The following ZNF429 variants were observed in gnomAD, a reference collection of about 807,000 sequenced individuals.
ZNF429 encodes zinc finger protein 429.
ZNF429 carries 53 observed loss-of-function variants against 56.8 expected under a neutral mutation model. The observed-to-expected ratio is 0.93, with a 90% CI of 0.75 to 1.17. The LOEUF (loss-of-function observed/expected upper bound fraction) is 1.17. Ranked by LOEUF, ZNF429 falls within the 50% of genes most tolerant of loss-of-function variation. The probability of loss-of-function intolerance (pLI) is 0.00; values close to 1 mark genes in which losing one functional copy is unlikely to be tolerated. For missense variants in ZNF429, 849 were observed against 788.4 expected (o/e 1.08, Z -0.92); for synonymous variants, 278 against 264.7 (o/e 1.05, Z -0.49).
Position 21,540,407 on chromosome 19 carries a change from T to C in ZNF429, c.*2329T>C, listed in dbSNP as rs941144149. 2.0e-5 allele frequency among the ~76,000 whole-genome samples: 3 copies of C among 152,070 alleles called. No homozygotes were observed. The highest frequency in any genetic ancestry group is 7.2e-5 in the African/African-American group (3 of 41,432). On this transcript the variant is annotated 3_prime_UTR_variant, in exon 4 of 4. Coordinates refer to ENST00000358491, the MANE Select transcript of ZNF429 (RefSeq NM_001001415.4). ...TGATATTTAAATTTTTTTCTTATTTTTTTGTGGGTACATAATATGTGTATA... is the reference window on the plus strand; with the variant it reads ...TGATATTTAAATTTTTTTCTTATTTCTTTGTGGGTACATAATATGTGTATA...
At chr19:21,535,429 TTTCTTTC>T in intron 3 of ZNF429, among the ~76,000 whole-genome samples, 1 of 10,114 alleles carries the variant, frequency 9.9e-5, no homozygotes, top group South Asian at 3.0e-3. Context: ...TCTTTCTTTC[TTTCTTTC>T]TTTCTTTCTT....
intron 1 of ZNF429, among the ~76,000 whole-genome samples, chr19:21,516,085 T>C (rs1347822852): frequency 6.6e-6 from 1 of 152,102 alleles, no homozygotes; most frequent in Non-Finnish European, 1.5e-5. Flanking sequence ...TTTTATTTTA[T>C]TGAGACCTAG....
At chr19:21,526,071 A>C (rs1434707927) in intron 1 of ZNF429, among the ~76,000 whole-genome samples, 2 of 68,744 alleles carry the variant, frequency 2.9e-5, no homozygotes, top group Middle Eastern at 5.0e-3. Context: ...ATGCAGACTC[A>C]TTCAGACATT....
chr19:21,531,515 G>T, intron 3 of ZNF429, among the ~76,000 whole-genome samples: 18 of 152,128 alleles, frequency 1.2e-4, no homozygotes, highest in African/African-American at 4.3e-4. Context: ...CAAAAAAATA[G>T]AAAATAGGCT....
At chr19:21,531,131 C>CAAAAAAA in intron 3 of ZNF429, among the ~76,000 whole-genome samples, 1 of 44,772 alleles carries the variant, frequency 2.2e-5, no homozygotes, top group African/African-American at 1.1e-4. Context: ...AAAAAAAAAC[C>CAAAAAAA]AAAAAAAAAA....
chr19:21,531,569 C>T, intron 3 of ZNF429, among the ~76,000 whole-genome samples: 3 of 152,136 alleles, frequency 2.0e-5, no homozygotes, highest in East Asian at 1.9e-4. Context: ...TTCAGGAGGC[C>T]AAGGCAGCTG....
chr19:21,535,348 CCTT>C lies in ZNF429; in HGVS notation c.227-931_227-929del. On this transcript the variant is annotated intron_variant, in intron 3 of 3. Transcript: ENST00000358491. ...CTTTCTCTTTTCTTTTCTTTCCTTTCCTTTCTTTTCTTCTTTCTTTCTTTCTTT... is the reference window on the plus strand; with the variant it reads ...CTTTCTCTTTTCTTTTCTTTCCTTTCTCTTTTCTTCTTTCTTTCTTTCTTT... 2.0e-3 allele frequency among the ~76,000 whole-genome samples: 90 copies of C among 45,082 alleles called. 5 individuals are homozygous for C. Among genetic ancestry groups the C allele is most frequent in the Middle Eastern group, 0.016 (1 of 64 alleles). The allele number at this position is 45,082 out of a possible 152,430, so 29.6% of individuals were successfully genotyped here.
intron 1 of ZNF429, among the ~76,000 whole-genome samples, chr19:21,508,022 G>T (rs565295052): frequency 1.3e-4 from 20 of 152,188 alleles, no homozygotes; most frequent in Non-Finnish European, 2.8e-4. Context: ...GGAGGCCAAG[G>T]TGGGCAGATC....
intron 1 of ZNF429, among the ~76,000 whole-genome samples, chr19:21,507,212 C>T (rs1014081114): frequency 6.6e-6 from 1 of 152,170 alleles, no homozygotes; most frequent in African/African-American, 2.4e-5. Context: ...CTCAAATCTA[C>T]TCCCACGCCC....
intron 1 of ZNF429, among the ~76,000 whole-genome samples, chr19:21,525,194 TTTA>T (rs895891121): frequency 7.9e-5 from 12 of 152,180 alleles, no homozygotes; most frequent in Non-Finnish European, 1.6e-4. Flanking sequence ...CAGAAGAATT[TTTA>T]TTATTATTTC....
intron 3 of ZNF429, among the ~76,000 whole-genome samples, chr19:21,532,330 A>G: frequency 1.3e-5 from 2 of 152,270 alleles, no homozygotes; most frequent in South Asian, 4.1e-4. Context: ...TTGAGGAAAA[A>G]GAAAGCAAAA....
intron 1 of ZNF429, among the ~76,000 whole-genome samples, chr19:21,520,034 A>G (rs1404448824): frequency 6.6e-6 from 1 of 151,824 alleles, no homozygotes; most frequent in African/African-American, 2.4e-5. Context: ...TTTTGTTTGT[A>G]TTTTAGTAGA....
intron 1 of ZNF429, among the ~76,000 whole-genome samples, chr19:21,515,917 T>C (rs1355177748): frequency 6.6e-6 from 1 of 152,192 alleles, no homozygotes; most frequent in Non-Finnish European, 1.5e-5. Context: ...ATTTCTGGGC[T>C]CTCTATTCTG....
At chr19:21,525,337 T>A (rs1321495587) in intron 1 of ZNF429, among the ~76,000 whole-genome samples, 1 of 152,132 alleles carries the variant, frequency 6.6e-6, no homozygotes, top group Non-Finnish European at 1.5e-5. Flanking sequence ...CTAAAAAAAA[T>A]TAAAATTACA....
rs757511247 is a variant in ZNF429 at position 21,537,573 on chromosome 19, AACCCT to A, written c.1523_1527del (p.Pro508GlnfsTer3). Reference sequence around the variant, plus strand: ...CATAAAAAAATTCATAGTGGAGAGAAACCCTACAAATGTGAAGAATGTGGCAAAGC... The same window carrying A: ...CATAAAAAAATTCATAGTGGAGAGAAACAAATGTGAAGAATGTGGCAAAGC... On this transcript the variant is annotated frameshift_variant, in exon 4 of 4. Coordinates refer to ENST00000358491, the MANE Select transcript of ZNF429 (RefSeq NM_001001415.4). LOFTEE classifies it high-confidence loss of function. The A allele has an allele frequency of 1.9e-6, 3 of 1,613,762 alleles. No homozygotes were observed. The highest frequency in any genetic ancestry group is 2.5e-6 in the Non-Finnish European group (3 of 1,180,006).
intron 3 of ZNF429, among the ~76,000 whole-genome samples, chr19:21,532,801 C>T: frequency 8.6e-5 from 13 of 151,282 alleles, no homozygotes; most frequent in African/African-American, 2.7e-4. Flanking sequence ...CGGGTTCAAG[C>T]GATTCTCCAA....
chr19:21,516,346 C>G (rs2032743241), intron 1 of ZNF429, among the ~76,000 whole-genome samples: 1 of 152,146 alleles, frequency 6.6e-6, no homozygotes, highest in Non-Finnish European at 1.5e-5. Flanking sequence ...CTCAGCCTCC[C>G]AAAGTGCTGG....
At chr19:21,523,638 C>T (rs1467587220) in intron 1 of ZNF429, among the ~76,000 whole-genome samples, 1 of 152,214 alleles carries the variant, frequency 6.6e-6, no homozygotes, top group East Asian at 1.9e-4. Flanking sequence ...TTTTATCAGG[C>T]CACACTCTGT....
chr19:21,525,382 C>G (rs1357797092), intron 1 of ZNF429, among the ~76,000 whole-genome samples: 1 of 149,026 alleles, frequency 6.7e-6, no homozygotes, highest in Non-Finnish European at 1.5e-5. Context: ...TTAGGTAAGT[C>G]TAGGAAAAAC....
Sources: gnomAD v4.1 joint callset for allele counts (sites outside exome capture counted in the v4.1 genomes callset) on GRCh38, gnomAD v4.1.1 for gene constraint, MANE v1.5 for transcripts, NCBI Gene and HGNC (gene_info 2026-07-23, HGNC 2026-07-21) for gene names.